The following ARHGEF10 variants were observed in gnomAD, a reference collection of about 807,000 sequenced individuals.
The protein encoded by ARHGEF10 is Rho guanine nucleotide exchange factor (GEF) 10.
A neutral mutation model predicts 147.4 loss-of-function variants in ARHGEF10; 140 were observed. The ratio of observed to expected loss-of-function variants is 0.95; its 90% CI spans 0.83 to 1.09. The LOEUF (loss-of-function observed/expected upper bound fraction) is 1.09, where lower values mean the gene tolerates loss of function less well. ARHGEF10 is among the 50% of genes least tolerant of loss of function. The pLI is 0.00. For missense variants in ARHGEF10, 2,222 were observed against 1,752.7 expected, an observed-to-expected ratio of 1.27 and a Z score of -4.78; for synonymous variants, 902 against 695.8, an observed-to-expected ratio of 1.30 and a Z score of -4.67.
At chr8:1,924,169 C>T (rs1195976550) in intron 21 of ARHGEF10, among the ~76,000 whole-genome samples, 1 of 152,144 alleles carries the variant, frequency 6.6e-6, no homozygotes, top group Non-Finnish European at 1.5e-5. Flanking sequence ...GGAGCCTGGC[C>T]GTGAGCCAGG....
In ARHGEF10 at chr8:1,926,436, A is replaced by T. The variant is rs1190748734; in HGVS notation, c.2670A>T (p.Ser890=). Residue 890 remains serine (S), a synonymous_variant, in exon 23 of 29, where the codon TCA becomes TCT. Transcript: ENST00000349830. ...TAAATAATGAAAGCCAGCCAGATTC[A>T]TTTTCCACGGCACATGGTTTCCTGT... ...PYLNNESQPD[S]FSTAHGFLWI... 3 of 1,614,022 alleles carry T rather than the reference A, an allele frequency of 1.9e-6. No homozygotes were observed. Among genetic ancestry groups the T allele is most frequent in the Non-Finnish European group, 2.5e-6 (3 of 1,180,020 alleles).
chr8:1,832,519 CAGAGGTAG>C (rs1286189611), intron 1 of ARHGEF10, among the ~76,000 whole-genome samples: 7 of 98,482 alleles, frequency 7.1e-5, no homozygotes, highest in East Asian at 2.9e-4. Flanking sequence ...GAGACAGAGA[CAGAGGTAG>C]AGAGACACAG....
intron 11 of ARHGEF10, among the ~76,000 whole-genome samples, chr8:1,889,220 G>GGGGAGGGTTGTGTGAGATACTTAGTGGT (rs1809153730): frequency 1.1e-5 from 1 of 90,040 alleles, no homozygotes; most frequent in African/African-American, 5.7e-5. Flanking sequence ...CACTGAATGG[G>GGGGAGGGTTGTGTGAGATACTTAGTGGT]GTGAGGGTTG....
chr8:1,885,578 T>G, intron 10 of ARHGEF10, 23 bp from the exon 11 acceptor site: 3 of 1,501,514 alleles, frequency 2.0e-6, no homozygotes, highest in Non-Finnish European at 1.9e-6. Flanking sequence ...GTAAAATTCA[T>G]GCATTTTGAC....
chr8:1,834,191 C>T (rs542841848), intron 1 of ARHGEF10, among the ~76,000 whole-genome samples: 4 of 152,354 alleles, frequency 2.6e-5, no homozygotes, highest in South Asian at 2.1e-4. Flanking sequence ...CAGCATGTGG[C>T]GCAGAGAGGG....
intron 26 of ARHGEF10, among the ~76,000 whole-genome samples, chr8:1,936,539 A>G (rs1813622989): frequency 6.6e-6 from 1 of 152,116 alleles, no homozygotes; most frequent in African/African-American, 2.4e-5. Flanking sequence ...CCCTCACACA[A>G]AATGTCACAG....
chr8:1,852,233 C>T (rs564402434), intron 2 of ARHGEF10, among the ~76,000 whole-genome samples: 8 of 151,268 alleles, frequency 5.3e-5, no homozygotes, highest in Non-Finnish European at 7.4e-5. Flanking sequence ...TGGAGAGGAC[C>T]GGGGAGCAGC....
chr8:1,932,529 C>A (rs1372261930), intron 25 of ARHGEF10, among the ~76,000 whole-genome samples: 1 of 152,120 alleles, frequency 6.6e-6, no homozygotes, highest in Admixed American at 6.5e-5. Flanking sequence ...TGTGTGCGTG[C>A]ATGTGTGTTG....
At chr8:1,857,349 G>A (rs1805626240) in intron 2 of ARHGEF10, among the ~76,000 whole-genome samples, 1 of 151,884 alleles carries the variant, frequency 6.6e-6, no homozygotes, top group Non-Finnish European at 1.5e-5. Flanking sequence ...GCCGGGTGAT[G>A]TTCATCTGCT....
chr8:1,935,173 G>A (rs557723206), intron 26 of ARHGEF10, among the ~76,000 whole-genome samples: 9 of 152,136 alleles, frequency 5.9e-5, no homozygotes, highest in African/African-American at 1.4e-4. Context: ...AATGAAAAGT[G>A]CGGAATTTTC....
chr8:1,825,898 G>T, intron 1 of ARHGEF10: 1 of 601,028 alleles, frequency 1.7e-6, no homozygotes, highest in East Asian at 2.8e-5. Context: ...ATGCTGCAAG[G>T]AGGAACAATT....
intron 26 of ARHGEF10, among the ~76,000 whole-genome samples, chr8:1,934,570 G>C (rs1813420112): frequency 6.6e-6 from 1 of 152,276 alleles, no homozygotes; most frequent in African/African-American, 2.4e-5. Context: ...TTTGATTGAG[G>C]TGACATTTCA....
In ARHGEF10 at chr8:1,945,623, A is replaced by C. The variant is rs1306929407; in HGVS notation, c.3365A>C (p.Asn1122Thr). The C allele has an allele frequency of 3.1e-6, 5 of 1,614,050 alleles. No homozygotes were observed. Among genetic ancestry groups the C allele is most frequent in the Non-Finnish European group, 4.2e-6 (5 of 1,180,018 alleles). ...ACTCTCAAGCACCTGCAGGACATCA[A>C]CATCGCCACCCCTGTTCACAACATG... is the stretch of plus-strand genomic sequence containing the variant. ...TETLKHLQDI[N>T]IATPVHNMLP... Residue 1122 changes from asparagine (N) to threonine (T), a missense_variant, in exon 27 of 29, where the codon AAC (asparagine) becomes ACC (threonine). Physicochemically the swap from Asn to Thr is moderately conservative, Grantham distance 65 (BLOSUM62 0). Transcript: ENST00000349830.
At chr8:1,839,901 T>C (rs1485994903) in intron 1 of ARHGEF10, among the ~76,000 whole-genome samples, 6 of 146,260 alleles carry the variant, frequency 4.1e-5, no homozygotes, top group Admixed American at 1.4e-4. Context: ...GTGGGGACTG[T>C]CCGGTGTGGG....
intron 14 of ARHGEF10, among the ~76,000 whole-genome samples, chr8:1,897,452 C>T (rs914814638): frequency 7.4e-5 from 10 of 135,874 alleles, no homozygotes; most frequent in African/African-American, 3.1e-4. Context: ...TTCCCACTCT[C>T]GACAGTTGTG....
intron 11 of ARHGEF10, among the ~76,000 whole-genome samples, chr8:1,889,813 GGA>G (rs1284157724): frequency 4.8e-4 from 67 of 138,458 alleles, no homozygotes; most frequent in African/African-American, 1.8e-3. Flanking sequence ...CTTCATGGGA[GGA>G]GGGTTTGTGA....
At chr8:1,887,623 G>A (rs1326508074) in intron 11 of ARHGEF10, among the ~76,000 whole-genome samples, 7 of 131,622 alleles carry the variant, frequency 5.3e-5, no homozygotes, top group Admixed American at 3.6e-4. Flanking sequence ...GGTGAGGGTT[G>A]TGAGGAGACT....
At chr8:1,853,049 C>T (rs536408985) in intron 2 of ARHGEF10, among the ~76,000 whole-genome samples, 3 of 141,644 alleles carry the variant, frequency 2.1e-5, no homozygotes, top group Middle Eastern at 3.5e-3. Context: ...AGATTTGGGC[C>T]GGGCGCTGGC....
chr8:1,837,248 C>CGGAGCCGCAGGACG, intron 1 of ARHGEF10, among the ~76,000 whole-genome samples: 1 of 151,854 alleles, frequency 6.6e-6, no homozygotes, highest in East Asian at 1.9e-4. Flanking sequence ...GTGCGCTGTG[C>CGGAGCCGCAGGACG]GGAGCCGCAG....
Sources: allele counts gnomAD v4.1 joint callset (sites outside exome capture counted in the v4.1 genomes callset), GRCh38; gene constraint gnomAD v4.1.1; transcripts MANE v1.5; gene names NCBI Gene and HGNC (gene_info 2026-07-23, HGNC 2026-07-21).